CDH4: variants seen among roughly 807,000 people sequenced by gnomAD.
CDH4 encodes cadherin-4.
CDH4 carries 33 observed loss-of-function variants against 86.0 expected under a neutral mutation model. The observed-to-expected ratio is 0.38, with a 90% CI of 0.29 to 0.51. The LOEUF (loss-of-function observed/expected upper bound fraction) is 0.51. Among genes scored for constraint, CDH4 ranks in the 20% least tolerant of loss-of-function variants. The pLI is 0.86. For synonymous variants in CDH4, 555 were observed against 549.4 expected, an observed-to-expected ratio of 1.01 and a Z score of -0.14; for missense variants, 1,114 against 1,307.4, an observed-to-expected ratio of 0.85 and a Z score of 2.28.
chr20:61,782,152 CA>C (rs550994615), intron 4 of CDH4, among the ~76,000 whole-genome samples: 8 of 151,954 alleles, frequency 5.3e-5, no homozygotes, highest in African/African-American at 1.7e-4. Context: ...ACTAAAAATA[CA>C]AAAAAATCAG....
At chr20:61,669,450 A>G (rs1006313111) in intron 2 of CDH4, among the ~76,000 whole-genome samples, 13 of 152,216 alleles carry the variant, frequency 8.5e-5, no homozygotes, top group African/African-American at 2.7e-4. Flanking sequence ...GTTTATTCTC[A>G]CATCACTGGG....
intron 2 of CDH4, among the ~76,000 whole-genome samples, chr20:61,563,463 T>C (rs887213586): frequency 6.6e-6 from 1 of 152,186 alleles, no homozygotes; most frequent in Non-Finnish European, 1.5e-5. Flanking sequence ...TTAGAAAACA[T>C]TGGTCCTAAT....
chr20:61,376,840 G>A (rs998292991), intron 2 of CDH4, among the ~76,000 whole-genome samples: 1 of 152,304 alleles, frequency 6.6e-6, no homozygotes, highest in South Asian at 2.1e-4. Context: ...ATTGGCACCG[G>A]GAGGCACTAC....
chr20:61,410,494 T>TGTCCATCTGTTTATCCAGTC (rs2085112401), intron 2 of CDH4, among the ~76,000 whole-genome samples: 1 of 123,292 alleles, frequency 8.1e-6, no homozygotes, highest in African/African-American at 2.6e-5. Context: ...TCCATTGACC[T>TGTCCATCTGTTTATCCAGTC]GTCCATCTGT....
At chr20:61,492,160 T>G (rs1251583018) in intron 2 of CDH4, among the ~76,000 whole-genome samples, 1 of 149,208 alleles carries the variant, frequency 6.7e-6, no homozygotes, top group African/African-American at 2.5e-5. Context: ...GCTGATGTTG[T>G]TGGTGTCGAT....
intron 2 of CDH4, among the ~76,000 whole-genome samples, chr20:61,727,277 T>C (rs1270740570): frequency 6.6e-6 from 1 of 151,920 alleles, no homozygotes; most frequent in Non-Finnish European, 1.5e-5. Flanking sequence ...AGAGTCATCA[T>C]CATCAACACT....
At chr20:61,303,211 G>A (rs3974885) in intron 2 of CDH4, among the ~76,000 whole-genome samples, 82,666 of 152,058 alleles carry the variant, frequency 0.54, 23,584 homozygotes, top group Admixed American at 0.64. Flanking sequence ...AAACAAGAGT[G>A]GAGAGTGGTA....
In CDH4 at chr20:61,891,983, C is replaced by T. The variant is rs868351008; in HGVS notation, c.1051-2927C>T. On this transcript the variant is annotated intron_variant, in intron 7 of 15. Coordinates refer to ENST00000614565, the MANE Select transcript of CDH4 (RefSeq NM_001794.5). ...TCAGCAAACGTCTTCTATAAAGTAC[C>T]AGGTGGTCCATATTTTAGGTTTTGT... Among the ~76,000 whole-genome samples the T allele has an allele frequency of 2.6e-5, 4 of 152,222 alleles. No individual in the cohort carries two copies. The South Asian group carries it at 8.3e-4, about 32-fold the overall frequency.
chr20:61,346,126 G>A lies in CDH4; in HGVS notation c.169+91189G>A, dbSNP rs562392671. 9.9e-5 allele frequency among the ~76,000 whole-genome samples: 15 copies of A among 152,250 alleles called. No individual in the cohort carries two copies. In the East Asian group the frequency reaches 2.9e-3, roughly 30 times the overall value. The stretch of plus-strand genomic sequence containing the variant: ...CAGCATCATGGGCTGGAGGCTGAGG[G>A]GTGATGTGCAGTCAGGACAGTCTCT... On this transcript the variant is annotated intron_variant, in intron 2 of 15. Transcript: ENST00000614565.
Position 61,517,979 on chromosome 20 carries a change from G to A in CDH4, c.170-225584G>A, listed in dbSNP as rs1056162729. Reference sequence around the variant, plus strand: ...CCCCTGGATGGGCCTCTCGTGTGGGGCTGGGGCAGGAGCTGCCTGCCTCCC... The same window carrying A: ...CCCCTGGATGGGCCTCTCGTGTGGGACTGGGGCAGGAGCTGCCTGCCTCCC... On this transcript the variant is annotated intron_variant, in intron 2 of 15. Coordinates refer to ENST00000614565, the MANE Select transcript of CDH4 (RefSeq NM_001794.5). This position sits in a 1 kb window ranked among gnomAD's most constrained non-coding sequence, Gnocchi z 6.6. Among the ~76,000 whole-genome samples, 26 of 151,186 alleles carry A rather than the reference G, an allele frequency of 1.7e-4. No homozygotes were observed. The highest frequency in any genetic ancestry group is 6.3e-4 in the African/African-American group (26 of 41,106).
chr20:61,878,961 C>T (rs577724230), intron 7 of CDH4, among the ~76,000 whole-genome samples: 3 of 152,374 alleles, frequency 2.0e-5, no homozygotes, highest in Non-Finnish European at 4.4e-5. Flanking sequence ...CCTTCGCCCA[C>T]CTCCTGGGGA....
intron 2 of CDH4, among the ~76,000 whole-genome samples, chr20:61,731,309 C>G (rs2088182705): frequency 6.6e-6 from 1 of 152,160 alleles, no homozygotes; most frequent in South Asian, 2.1e-4. Flanking sequence ...CTCACACGTG[C>G]CCAGTCAGGT....
intron 2 of CDH4, among the ~76,000 whole-genome samples, chr20:61,616,559 A>G (rs1206551674): frequency 6.6e-6 from 1 of 152,154 alleles, no homozygotes; most frequent in Non-Finnish European, 1.5e-5. Context: ...TGCTCCAGGG[A>G]GGGTCAGAGC....
intron 2 of CDH4, among the ~76,000 whole-genome samples, chr20:61,267,981 C>T (rs1423708809): frequency 6.6e-6 from 1 of 152,230 alleles, no homozygotes. Context: ...AGGGCAGATC[C>T]GTGTCCCTCT....
At chr20:61,785,226 C>T (rs1282112296) in intron 4 of CDH4, among the ~76,000 whole-genome samples, 1 of 152,182 alleles carries the variant, frequency 6.6e-6, no homozygotes, top group Admixed American at 6.6e-5. Context: ...CCATGCTTCA[C>T]CATCTCCTCA....
At chr20:61,567,835 T>C (rs1000847392) in intron 2 of CDH4, among the ~76,000 whole-genome samples, 11 of 152,044 alleles carry the variant, frequency 7.2e-5, no homozygotes, top group African/African-American at 2.7e-4. Flanking sequence ...TAGCCAGGTG[T>C]GGTGACACAC....
chr20:61,773,034 A>G lies in CDH4; in HGVS notation c.428A>G (p.Asp143Gly). 1.9e-6 allele frequency: 3 copies of G among 1,613,026 alleles called. No individual in the cohort carries two copies. The highest frequency in any genetic ancestry group is 1.7e-6 in the Non-Finnish European group (2 of 1,179,476). The change falls in exon 4 of 16, where the codon GAC (aspartate) becomes GGC (glycine). Residue 143 changes from aspartate (D) to glycine (G), a missense_variant. Around this residue, in one of 3 missense-constraint regions of CDH4, gnomAD observed 221 missense variants for 209.5 expected, o/e 1.05. Transcript: ENST00000614565. ...AAAGGAAAGAAGGTCGTGGCTCTGG[A>G]CCCCTCTCCGCCTCCGAAGGACACC... ...PQKGKKVVAL[D>G]PSPPPKDTLL...
chr20:61,358,162 G>C (rs74864165), intron 2 of CDH4, among the ~76,000 whole-genome samples: 2 of 152,152 alleles, frequency 1.3e-5, no homozygotes, highest in Admixed American at 6.5e-5. Context: ...GCAAACCCCC[G>C]GGACGTGCTT....
intron 2 of CDH4, among the ~76,000 whole-genome samples, chr20:61,267,240 C>T (rs1377122032): frequency 2.0e-5 from 3 of 152,228 alleles, no homozygotes; most frequent in African/African-American, 4.8e-5. Flanking sequence ...AACGAATCCA[C>T]CCACTGAACT....
Sources: gnomAD v4.1 joint callset for allele counts (sites outside exome capture counted in the v4.1 genomes callset) on GRCh38, gnomAD v4.1.1 for gene constraint, gnomAD v4.1.1 regional missense constraint, Gnocchi (gnomAD v3.1) non-coding constraint, MANE v1.5 for transcripts, NCBI Gene and HGNC (gene_info 2026-07-23, HGNC 2026-07-21) for gene names.